The following NXPH1 variants were observed in gnomAD, a reference collection of about 807,000 sequenced individuals.
NXPH1 encodes neurexophilin 1, also known as neurexophilin-1.
A neutral mutation model predicts 23.7 loss-of-function variants in NXPH1; 5 were observed. The ratio of observed to expected loss-of-function variants is 0.21; its 90% confidence interval spans 0.11 to 0.44. The LOEUF is 0.44. NXPH1 is among the 20% of genes least tolerant of loss of function. The pLI, the probability that NXPH1 is intolerant of heterozygous loss-of-function variation, is 0.99. For missense variants in NXPH1, 324 were observed against 321.6 expected (o/e 1.01, Z -0.06); for synonymous variants, 144 against 122.2 (o/e 1.18, Z -1.18).
intron 2 of NXPH1, among the ~76,000 whole-genome samples, chr7:8,479,387 A>G (rs10247134): frequency 6.6e-6 from 1 of 152,162 alleles, no homozygotes; most frequent in Non-Finnish European, 1.5e-5. Flanking sequence ...ATCTTTGAGC[A>G]TTAGAATTTT....
At chr7:8,669,210 G>A (rs1043730381) in intron 2 of NXPH1, among the ~76,000 whole-genome samples, 15 of 152,176 alleles carry the variant, frequency 9.9e-5, no homozygotes, top group Non-Finnish European at 1.8e-4. Flanking sequence ...CAGACATGGA[G>A]CATGCGTCCA....
At chr7:8,535,849 C>G (rs192747503) in intron 2 of NXPH1, among the ~76,000 whole-genome samples, 13 of 151,926 alleles carry the variant, frequency 8.6e-5, no homozygotes, top group Non-Finnish European at 1.5e-4. Context: ...TAAGGCAATA[C>G]GTGGTGGCAG....
intron 2 of NXPH1, among the ~76,000 whole-genome samples, chr7:8,535,007 C>CATATCATTTA (rs1818005922): frequency 6.6e-6 from 1 of 151,932 alleles, no homozygotes; most frequent in South Asian, 2.1e-4. Context: ...GCTTTGTTTA[C>CATATCATTTA]ATATCATTTA....
At chr7:8,631,065 T>C (rs1049304439) in intron 2 of NXPH1, among the ~76,000 whole-genome samples, 1 of 152,186 alleles carries the variant, frequency 6.6e-6, no homozygotes, top group Admixed American at 6.6e-5. Flanking sequence ...CTAAGGATAA[T>C]GGCCTCTAGT....
intron 2 of NXPH1, among the ~76,000 whole-genome samples, chr7:8,610,344 C>T (rs1173409933): frequency 2.0e-5 from 3 of 152,144 alleles, no homozygotes; most frequent in African/African-American, 7.2e-5. Context: ...ATTTTATACA[C>T]CTGTCAACAT....
At chr7:8,635,077 A>G (rs1236598203) in intron 2 of NXPH1, among the ~76,000 whole-genome samples, 1 of 152,124 alleles carries the variant, frequency 6.6e-6, no homozygotes, top group Non-Finnish European at 1.5e-5. Context: ...AAAGCAGACT[A>G]GAGATCTTAC....
chr7:8,548,528 A>G (rs1192721169), intron 2 of NXPH1, among the ~76,000 whole-genome samples: 3 of 151,542 alleles, frequency 2.0e-5, no homozygotes, highest in African/African-American at 7.3e-5. Flanking sequence ...ATAGAGAGAG[A>G]TAGAGGGATA....
chr7:8,487,119 T>C (rs1270240775), intron 2 of NXPH1, among the ~76,000 whole-genome samples: 1 of 152,164 alleles, frequency 6.6e-6, no homozygotes, highest in Non-Finnish European at 1.5e-5. Flanking sequence ...TGTAATCTAC[T>C]TATCATATAT....
At chr7:8,669,691 G>T (rs1258513140) in intron 2 of NXPH1, among the ~76,000 whole-genome samples, 1 of 152,094 alleles carries the variant, frequency 6.6e-6, no homozygotes, top group Non-Finnish European at 1.5e-5. Flanking sequence ...GCCTGGTGTT[G>T]GAGTCCAAGG....
chr7:8,728,818 T>C (rs1472076865), intron 2 of NXPH1, among the ~76,000 whole-genome samples: 1 of 152,206 alleles, frequency 6.6e-6, no homozygotes, highest in African/African-American at 2.4e-5. Context: ...GTTGTGTCTC[T>C]GCCTGAGTTT....
Position 8,721,957 on chromosome 7 carries a change from C to T in NXPH1, c.55-29051C>T, listed in dbSNP as rs892220287. Among the ~76,000 whole-genome samples, 18 of 152,272 alleles carry T rather than the reference C, an allele frequency of 1.2e-4. 1 individual carries two copies. Among genetic ancestry groups the T allele is most frequent in the African/African-American group, 3.9e-4 (16 of 41,546 alleles). On this transcript the variant is annotated intron_variant, in intron 2 of 2. Coordinates refer to ENST00000405863, the MANE Select transcript of NXPH1 (RefSeq NM_152745.3). Reference sequence around the variant, plus strand: ...CCCCATGGCAAATTCCATGATCCTTCGTAAATATTACAGATCAAGTTACCT... The same window carrying T: ...CCCCATGGCAAATTCCATGATCCTTTGTAAATATTACAGATCAAGTTACCT...
chr7:8,433,721 C>A lies in NXPH1; in HGVS notation c.-1145C>A, dbSNP rs376675579. On this transcript the variant is annotated 5_prime_UTR_variant, in exon 1 of 3. Transcript: ENST00000405863. This position sits in a 1 kb window ranked among gnomAD's most constrained non-coding sequence, Gnocchi z 6.8. ...CGTCGGCGCTCGAGGCCGGCAGGGG[C>A]GCCCTGCACCCTCCCGCGCCCTTCC... is the stretch of plus-strand genomic sequence containing the variant. Among the ~76,000 whole-genome samples, 1 of 151,982 alleles carries A rather than the reference C, an allele frequency of 6.6e-6. No individual in the cohort carries two copies. The highest frequency in any genetic ancestry group is 1.9e-4 in the East Asian group (1 of 5,146).
At chr7:8,446,226 TCTG>T (rs1816400111) in intron 2 of NXPH1, among the ~76,000 whole-genome samples, 2 of 152,242 alleles carry the variant, frequency 1.3e-5, no homozygotes, top group African/African-American at 4.8e-5. Flanking sequence ...AAATTTATTG[TCTG>T]TCTTAGTGCA....
intron 2 of NXPH1, among the ~76,000 whole-genome samples, chr7:8,436,206 C>A (rs1816190360): frequency 6.6e-6 from 1 of 152,216 alleles, no homozygotes; most frequent in African/African-American, 2.4e-5. Context: ...TACCCACCCA[C>A]TTCCCCGATT....
chr7:8,734,412 A>C (rs2115220577), intron 2 of NXPH1, among the ~76,000 whole-genome samples: 1 of 152,292 alleles, frequency 6.6e-6, no homozygotes, highest in South Asian at 2.1e-4. Flanking sequence ...TCTGCAAAGA[A>C]CGTCAATGGT....
chr7:8,438,042 T>C (rs1175141464), intron 2 of NXPH1, among the ~76,000 whole-genome samples: 1 of 152,210 alleles, frequency 6.6e-6, no homozygotes, highest in Non-Finnish European at 1.5e-5. Context: ...CCAGGGATTG[T>C]AATCCCATGG....
intron 2 of NXPH1, among the ~76,000 whole-genome samples, chr7:8,724,400 AGTC>A (rs1327132268): frequency 1.3e-5 from 2 of 152,206 alleles, no homozygotes; most frequent in Admixed American, 1.3e-4. Flanking sequence ...AGGAGAGGAA[AGTC>A]TTCCCCAACG....
chr7:8,663,529 A>T (rs1313087190), intron 2 of NXPH1, among the ~76,000 whole-genome samples: 1 of 152,134 alleles, frequency 6.6e-6, no homozygotes, highest in Non-Finnish European at 1.5e-5. Flanking sequence ...AATAATAGCT[A>T]AAGCCGGCTT....
chr7:8,539,519 G>A (rs1307999609), intron 2 of NXPH1, among the ~76,000 whole-genome samples: 1 of 151,774 alleles, frequency 6.6e-6, no homozygotes, highest in African/African-American at 2.4e-5. Context: ...AAATTTACAT[G>A]AAATTTTTCC....
Sources: gnomAD v4.1 joint callset for allele counts (sites outside exome capture counted in the v4.1 genomes callset) on GRCh38, gnomAD v4.1.1 for gene constraint, Gnocchi (gnomAD v3.1) non-coding constraint, MANE v1.5 for transcripts, NCBI Gene and HGNC (gene_info 2026-07-23, HGNC 2026-07-21) for gene names.